Variants in ZNF385D observed in about 807,000 individuals in gnomAD.
ZNF385D encodes the protein zinc finger protein 659.
ZNF385D carries 15 observed loss-of-function variants against 35.8 expected under a neutral mutation model. The ratio of observed to expected loss-of-function variants is 0.42; its 90% CI spans 0.28 to 0.64. ZNF385D has a LOEUF of 0.64. Among genes scored for constraint, ZNF385D ranks in the 30% least tolerant of loss-of-function variants. The pLI, the probability that ZNF385D is intolerant of heterozygous loss-of-function variation, is 0.23. For missense variants in ZNF385D, 474 were observed against 494.6 expected (o/e 0.96, Z 0.39); for synonymous variants, 212 against 186.8 (o/e 1.13, Z -1.10).
intron 1 of ZNF385D, among the ~76,000 whole-genome samples, chr3:21,710,897 C>T (rs2068074828): frequency 1.3e-5 from 2 of 152,102 alleles, no homozygotes; most frequent in Non-Finnish European, 2.9e-5. Flanking sequence ...CCATCACTCA[C>T]TCATGACCAT....
At chr3:21,706,313 T>C (rs1462405171) in intron 1 of ZNF385D, among the ~76,000 whole-genome samples, 1 of 152,102 alleles carries the variant, frequency 6.6e-6, no homozygotes. Context: ...TCACATATCA[T>C]ACAAATCATC....
intron 2 of ZNF385D, among the ~76,000 whole-genome samples, chr3:22,355,539 T>A (rs148940997): frequency 2.0e-5 from 3 of 151,778 alleles, no homozygotes; most frequent in African/African-American, 7.3e-5. Flanking sequence ...AAAAAGCAAC[T>A]AAGACAAAGA....
chr3:21,803,256 G>A (rs1210434980), intron 3 of ZNF385D, among the ~76,000 whole-genome samples: 1 of 152,094 alleles, frequency 6.6e-6, no homozygotes, highest in East Asian at 1.9e-4. Context: ...AAAGATAAAG[G>A]AAGGAAAACT....
chr3:21,761,025 A>G (rs757147529), intron 3 of ZNF385D, among the ~76,000 whole-genome samples: 17 of 152,288 alleles, frequency 1.1e-4, no homozygotes, highest in Non-Finnish European at 2.1e-4. Flanking sequence ...TCTCTTTTGT[A>G]TCATACACTT....
intron 3 of ZNF385D, among the ~76,000 whole-genome samples, chr3:22,075,606 C>G (rs1212511060): frequency 6.6e-6 from 1 of 151,854 alleles, no homozygotes; most frequent in East Asian, 1.9e-4. Context: ...GATTGTCCTT[C>G]TCTGTTAAAC....
At chr3:22,229,161 G>A (rs112770590) in intron 2 of ZNF385D, among the ~76,000 whole-genome samples, 225 of 152,132 alleles carry the variant, frequency 1.5e-3, no homozygotes, top group African/African-American at 5.1e-3. Flanking sequence ...TCCTTCCCTG[G>A]TCCTTTCTCC....
chr3:21,884,884 GA>G (rs1175457548), intron 3 of ZNF385D, among the ~76,000 whole-genome samples: 1 of 148,590 alleles, frequency 6.7e-6, no homozygotes, highest in African/African-American at 2.5e-5. Flanking sequence ...ATGAAAGTAT[GA>G]CCCTCAATCC....
At chr3:22,159,938 A>C (rs1262049028) in intron 3 of ZNF385D, among the ~76,000 whole-genome samples, 1 of 152,034 alleles carries the variant, frequency 6.6e-6, no homozygotes, top group Admixed American at 6.6e-5. Context: ...CCCCAGCCAA[A>C]ATCTCATCTT....
intron 3 of ZNF385D, among the ~76,000 whole-genome samples, chr3:22,124,677 G>A (rs1355247736): frequency 1.3e-5 from 2 of 152,100 alleles, no homozygotes; most frequent in Admixed American, 1.3e-4. Flanking sequence ...CAATGATGCT[G>A]ATCATATTTT....
In ZNF385D at chr3:21,627,070, C is replaced by T. The variant is rs114773644; in HGVS notation, c.165+37816G>A. Among the ~76,000 whole-genome samples, 477 of 150,308 alleles carry T rather than the reference C, an allele frequency of 3.2e-3. 2 individuals carry two copies. The highest frequency in any genetic ancestry group is 0.011 in the African/African-American group (465 of 40,946). On this transcript the variant is annotated intron_variant, in intron 2 of 7. Transcript: ENST00000281523. ...GGGAGGTGTTTTTTTTTTTCTCCTACACAACTAAATAACTATAATTACAAG... is the reference window on the plus strand; with the variant it reads ...GGGAGGTGTTTTTTTTTTTCTCCTATACAACTAAATAACTATAATTACAAG...
At chr3:21,535,844 T>TCTTG (rs1295298485) in intron 3 of ZNF385D, among the ~76,000 whole-genome samples, 2 of 152,112 alleles carry the variant, frequency 1.3e-5, no homozygotes, top group East Asian at 3.9e-4. Flanking sequence ...TATTTCTAGG[T>TCTTG]CTTGCTTTCC....
chr3:21,566,354 A>T (rs1016125182), intron 2 of ZNF385D, among the ~76,000 whole-genome samples: 2 of 152,158 alleles, frequency 1.3e-5, no homozygotes, highest in Non-Finnish European at 2.9e-5. Flanking sequence ...GCCAGGCACG[A>T]TAGCTCATGC....
intron 2 of ZNF385D, among the ~76,000 whole-genome samples, chr3:21,620,793 A>T (rs1264646669): frequency 6.6e-6 from 1 of 152,118 alleles, no homozygotes. Context: ...AGTAAGAGGC[A>T]TTTTCCACAA....
At chr3:21,959,481 T>G (rs919444115) in intron 3 of ZNF385D, among the ~76,000 whole-genome samples, 1 of 152,160 alleles carries the variant, frequency 6.6e-6, no homozygotes, top group African/African-American at 2.4e-5. Context: ...TCAGCTGAGA[T>G]TGAAGGCAAT....
intron 3 of ZNF385D, among the ~76,000 whole-genome samples, chr3:21,551,764 A>G (rs2062575355): frequency 6.6e-6 from 1 of 152,220 alleles, no homozygotes; most frequent in Non-Finnish European, 1.5e-5. Flanking sequence ...GAAAAAACCT[A>G]CACCAGGAAA....
intron 3 of ZNF385D, among the ~76,000 whole-genome samples, chr3:21,540,750 A>T (rs1175974408): frequency 6.6e-6 from 1 of 152,138 alleles, no homozygotes; most frequent in Non-Finnish European, 1.5e-5. Context: ...GTAACCACAT[A>T]CCCTGAATGT....
At chr3:22,009,695 T>C (rs1267290217) in intron 3 of ZNF385D, among the ~76,000 whole-genome samples, 1 of 151,864 alleles carries the variant, frequency 6.6e-6, no homozygotes, top group African/African-American at 2.4e-5. Flanking sequence ...ATATGACATT[T>C]AGAAAATTTA....
chr3:21,828,916 G>A (rs1414055879), intron 3 of ZNF385D, among the ~76,000 whole-genome samples: 1 of 152,122 alleles, frequency 6.6e-6, no homozygotes, highest in Non-Finnish European at 1.5e-5. Flanking sequence ...TACAAACTCT[G>A]GTTCCATCTT....
chr3:21,558,219 C>T (rs994284608), intron 3 of ZNF385D, among the ~76,000 whole-genome samples: 1 of 149,848 alleles, frequency 6.7e-6, no homozygotes, highest in African/African-American at 2.5e-5. Flanking sequence ...TTTGCTCTTG[C>T]TTCTCTAGTT....
Sources: allele counts gnomAD v4.1 joint callset (sites outside exome capture counted in the v4.1 genomes callset), GRCh38; gene constraint gnomAD v4.1.1; transcripts MANE v1.5; gene names NCBI Gene and HGNC (gene_info 2026-07-23, HGNC 2026-07-21).